The following SLCO1B3 variants were observed in gnomAD, a reference collection of about 807,000 sequenced individuals.
SLCO1B3 encodes solute carrier organic anion transporter family member 1B3.
A neutral mutation model predicts 71.8 loss-of-function variants in SLCO1B3; 72 were observed. The observed-to-expected ratio is 1.00, with a 90% CI of 0.83 to 1.22. The LOEUF (loss-of-function observed/expected upper bound fraction) is 1.22. Ranked by LOEUF, SLCO1B3 falls within the 50% of genes most tolerant of loss-of-function variation. SLCO1B3 has a pLI of 0.00. For missense variants in SLCO1B3, 911 were observed against 819.7 expected (o/e 1.11, Z -1.36); for synonymous variants, 298 against 278.4 (o/e 1.07, Z -0.70).
At chr12:20,830,969 A>G (rs1224000061) in intron 3 of SLCO1B3, among the ~76,000 whole-genome samples, 2 of 152,212 alleles carry the variant, frequency 1.3e-5, no homozygotes, top group Non-Finnish European at 1.5e-5. Context: ...GGTGGAAGAA[A>G]TAAGATTTCC....
chr12:20,818,215 T>C (rs1027780885), intron 3 of SLCO1B3, among the ~76,000 whole-genome samples: 3 of 152,178 alleles, frequency 2.0e-5, no homozygotes, highest in African/African-American at 4.8e-5. Flanking sequence ...GTAAAAGTAG[T>C]GTCCAGTCCT....
chr12:20,891,979 C>T (rs568837833), intron 13 of SLCO1B3, among the ~76,000 whole-genome samples: 1 of 152,086 alleles, frequency 6.6e-6, no homozygotes, highest in Non-Finnish European at 1.5e-5. Flanking sequence ...TCAAGCTTTA[C>T]ATAATCCCAT....
chr12:20,912,454 G>A (rs1467167190), intron 15 of SLCO1B3, among the ~76,000 whole-genome samples: 3 of 148,872 alleles, frequency 2.0e-5, no homozygotes, highest in Non-Finnish European at 4.4e-5. Context: ...TTGGCCTTCT[G>A]AGTAGCGGGG....
rs1864179357 is a variant in SLCO1B3, at chr12:20,815,694, A to T, written c.-45A>T. 1 of 1,248,052 alleles carries T rather than the reference A, an allele frequency of 8.0e-7. No individual in the cohort carries two copies. The highest frequency in any genetic ancestry group is 1.5e-5 in the African/African-American group (1 of 67,138). The allele number at this position is 1,248,052 out of a possible 1,614,324, so 77.3% of individuals were successfully genotyped here. A position where few individuals can be genotyped will look rare whatever the true frequency, so the allele number is the denominator to read the frequency against. ...AACAGGTGATCATTTCAAACCAAGC[A>T]TCAGCAACAATTAAAAATATTCACT... On this transcript the variant is annotated 5_prime_UTR_variant, in exon 3 of 16. Transcript: ENST00000381545.
Position 20,880,952 on chromosome 12 carries a change from A to G in SLCO1B3, c.1429A>G (p.Asn477Asp). Residue 477 changes from asparagine to aspartate, a missense_variant, in exon 12 of 16, where the codon AAT (asparagine) becomes GAT (aspartate). Asn to Asp is a conservative substitution (Grantham distance 23). Transcript: ENST00000381545. ...TCAGTGGGAACCAGTCTGTGGGAAC[A>G]ATGGAATAACTTACCTGTCACCTTG... ...ESQWEPVCGN[N>D]GITYLSPCLA... The G allele has an allele frequency of 1.2e-6, 2 of 1,612,764 alleles. No homozygotes were observed. The highest frequency in any genetic ancestry group is 1.7e-6 in the Non-Finnish European group (2 of 1,178,876).
rs780123244 is a variant in SLCO1B3 at position 20,913,776 on chromosome 12, G to A, written c.1866-2228G>A. On this transcript the variant is annotated intron_variant, in intron 15 of 15. Coordinates refer to ENST00000381545, the MANE Select transcript of SLCO1B3 (RefSeq NM_019844.4). ...AATCTTATTGTTATCTTTTGAGATG[G>A]GGTCTCACTCTGCTACCCAGGCTGT... Among the ~76,000 whole-genome samples the A allele has an allele frequency of 4.9e-4, 75 of 152,006 alleles. 2 individuals carry two copies. Among genetic ancestry groups the A allele is most frequent in the Middle Eastern group, 3.2e-3 (1 of 316 alleles).
intron 3 of SLCO1B3, among the ~76,000 whole-genome samples, chr12:20,847,388 GC>G (rs1864939760): frequency 6.6e-6 from 1 of 152,098 alleles, no homozygotes; most frequent in Non-Finnish European, 1.5e-5. Context: ...TGGGATTTGT[GC>G]CCTTAGATAA....
Position 20,844,782 on chromosome 12 carries a change from C to T in SLCO1B3, c.85-10246C>T, listed in dbSNP as rs376483182. ...TGGTAGCTCATGCCTGTAATCCCAGCACTTTGGGAGGCCAAGGTGGGCGAA... is the reference window on the plus strand; with the variant it reads ...TGGTAGCTCATGCCTGTAATCCCAGTACTTTGGGAGGCCAAGGTGGGCGAA... On this transcript the variant is annotated intron_variant, in intron 3 of 15. Transcript: ENST00000381545. 8.3e-4 allele frequency among the ~76,000 whole-genome samples: 126 copies of T among 152,050 alleles called. 2 individuals are homozygous for T. The South Asian group carries it at 0.025, about 30-fold the overall frequency.
chr12:20,832,037 C>T (rs190701925), intron 3 of SLCO1B3, among the ~76,000 whole-genome samples: 68 of 152,320 alleles, frequency 4.5e-4, no homozygotes, highest in African/African-American at 1.5e-3. Context: ...GAGCCAAGGT[C>T]TGAATTCAGG....
intron 3 of SLCO1B3, among the ~76,000 whole-genome samples, chr12:20,847,736 A>G (rs780667142): frequency 2.7e-4 from 41 of 151,906 alleles, no homozygotes; most frequent in Non-Finnish European, 1.5e-5. Context: ...AACAAAACCT[A>G]AGGACCTGTC....
At chr12:20,855,875 T>C (rs1865124493) in intron 4 of SLCO1B3, among the ~76,000 whole-genome samples, 1 of 151,958 alleles carries the variant, frequency 6.6e-6, no homozygotes, top group Admixed American at 6.6e-5. Context: ...CCTTTTTCTT[T>C]TCACTTTCTA....
chr12:20,915,900 A>G (rs540447779), intron 15 of SLCO1B3, 104 bp from the exon 16 acceptor site: 2 of 770,542 alleles, frequency 2.6e-6, no homozygotes, highest in African/African-American at 1.8e-5. Flanking sequence ...TGTATGTGTA[A>G]CTTGTTTTTC....
At chr12:20,880,817 T>A in intron 11 of SLCO1B3, 38 bp from the exon 12 acceptor site, 4 of 1,440,988 alleles carry the variant, frequency 2.8e-6, no homozygotes, top group Non-Finnish European at 3.8e-6. Context: ...TACTTCCTCT[T>A]TCTCTTTTTT....
In SLCO1B3 at chr12:20,898,496, A is replaced by G. The variant is rs749836485; in HGVS notation, c.1743A>G (p.Thr581=). ...GTTTCCAGTCAATGGTTATAAGAACACTAGGTATGACAAATATATAGATTA... is the reference window on the plus strand; with the variant it reads ...GTTTCCAGTCAATGGTTATAAGAACGCTAGGTATGACAAATATATAGATTA... The part of the protein sequence containing the change: ...AMGFQSMVIR[T]LGGILAPIYF... Residue 581 remains threonine (T), a synonymous_variant, in exon 14 of 16, where the codon ACA becomes ACG. Coordinates refer to ENST00000381545, the MANE Select transcript of SLCO1B3 (RefSeq NM_019844.4). 9 of 1,515,270 alleles carry G rather than the reference A, an allele frequency of 5.9e-6. No homozygotes were observed. The East Asian group carries it at 6.8e-5, about 11-fold the overall frequency. 93.9% of individuals were successfully genotyped at this position (1,515,270 alleles called of 1,614,324 possible). A position where few individuals can be genotyped will look rare whatever the true frequency, so the allele number is the denominator to read the frequency against.
chr12:20,861,676 A>C (rs778271917), intron 6 of SLCO1B3, among the ~76,000 whole-genome samples: 3 of 152,158 alleles, frequency 2.0e-5, no homozygotes, highest in Non-Finnish European at 2.9e-5. Context: ...AAGACTTTGT[A>C]ACTATTATAA....
At chr12:20,858,247 T>C (rs1328329923) in intron 4 of SLCO1B3, among the ~76,000 whole-genome samples, 192 bp from the exon 5 acceptor site, 1 of 152,144 alleles carries the variant, frequency 6.6e-6, no homozygotes, top group Non-Finnish European at 1.5e-5. Flanking sequence ...TAAAACCTAT[T>C]CTACTTATTA....
At chr12:20,839,222 A>C (rs1026415816) in intron 3 of SLCO1B3, among the ~76,000 whole-genome samples, 1 of 151,980 alleles carries the variant, frequency 6.6e-6, no homozygotes, top group East Asian at 1.9e-4. Context: ...ATTAAAAAAA[A>C]CTTTTTAATT....
At chr12:20,854,441 C>T (rs541726861) in intron 3 of SLCO1B3, among the ~76,000 whole-genome samples, 15 of 152,010 alleles carry the variant, frequency 9.9e-5, no homozygotes, top group African/African-American at 2.2e-4. Context: ...AATTTTATGC[C>T]GCTATAATGT....
chr12:20,873,966 A>G (rs9795527), intron 8 of SLCO1B3, among the ~76,000 whole-genome samples: 110,007 of 152,080 alleles, frequency 0.72, 42,371 homozygotes, highest in South Asian at 0.88. Context: ...ATAGTATTCC[A>G]TGGTGTATAT....
Sources: allele counts gnomAD v4.1 joint callset (sites outside exome capture counted in the v4.1 genomes callset), GRCh38; gene constraint gnomAD v4.1.1; transcripts MANE v1.5; gene names NCBI Gene and HGNC (gene_info 2026-07-23, HGNC 2026-07-21).